Variants in PTP4A3 observed in about 807,000 individuals in gnomAD.
PTP4A3 encodes protein tyrosine phosphatase 4A3.
Under a neutral mutation model 15.2 loss-of-function variants are expected in PTP4A3, and 9 were observed. The observed-to-expected ratio is 0.59, with a 90% CI of 0.36 to 1.03. The LOEUF (loss-of-function observed/expected upper bound fraction) is 1.03, where lower values mean the gene tolerates loss of function less well. PTP4A3 is among the 50% of genes least tolerant of loss of function. The pLI is 0.02. For synonymous variants in PTP4A3, 95 were observed against 102.0 expected (o/e 0.93, Z 0.41); for missense variants, 234 against 252.1 (o/e 0.93, Z 0.49).
Position 141,421,967 on chromosome 8 carries a change from G to C in PTP4A3, c.-274G>C, listed in dbSNP as rs368947682. 7.0e-5 allele frequency: 30 copies of C among 431,438 alleles called. No homozygotes were observed. Among genetic ancestry groups the C allele is most frequent in the Admixed American group, 1.3e-4 (3 of 23,584 alleles). 26.7% of individuals were successfully genotyped at this position (431,438 alleles called of 1,614,324 possible). On this transcript the variant is annotated 5_prime_UTR_variant, in exon 2 of 6. Transcript: ENST00000521578. ...TGCCCGCTTTACTTTGGTTGGGTTG[G>C]GGGGGGCGGCGGGCTGTTTTGTTCC...
intron 1 of PTP4A3, among the ~76,000 whole-genome samples, chr8:141,419,079 C>T (rs946209293): frequency 3.9e-5 from 6 of 152,150 alleles, no homozygotes; most frequent in African/African-American, 1.2e-4. Flanking sequence ...GACCCCTGAG[C>T]GTAGCCCAGG....
chr8:141,418,869 G>A (rs996518509), intron 1 of PTP4A3, among the ~76,000 whole-genome samples: 4 of 152,288 alleles, frequency 2.6e-5, no homozygotes, highest in Middle Eastern at 3.4e-3. Context: ...CACTGGGGGC[G>A]TGTGGTTATG....
chr8:141,405,927 A>C (rs1586541775), intron 1 of PTP4A3, among the ~76,000 whole-genome samples: 1 of 152,128 alleles, frequency 6.6e-6, no homozygotes, highest in Non-Finnish European at 1.5e-5. Context: ...AGTTGCAGGA[A>C]CAGCTGGGAG....
At chr8:141,407,707 C>T (rs1239368823) in intron 1 of PTP4A3, among the ~76,000 whole-genome samples, 6 of 151,908 alleles carry the variant, frequency 3.9e-5, no homozygotes, top group African/African-American at 1.4e-4. Context: ...GATGGGATTA[C>T]AGGTGCCCGC....
Position 141,430,908 on chromosome 8 carries a change from C to A in PTP4A3, c.405-19C>A. Reference sequence around the variant, plus strand: ...GCCAGGTCCTTGGATGATCTCTGTTCCTGTTCCCCTCTTCCCAGGAAGCGC... The same window carrying A: ...GCCAGGTCCTTGGATGATCTCTGTTACTGTTCCCCTCTTCCCAGGAAGCGC... On this transcript the variant is annotated intron_variant, in intron 5 of 5. Coordinates refer to ENST00000521578, the MANE Select transcript of PTP4A3 (RefSeq NM_032611.3). The A allele has an allele frequency of 6.2e-7, 1 of 1,611,210 alleles. No individual in the cohort carries two copies. Among genetic ancestry groups the A allele is most frequent in the Non-Finnish European group, 8.5e-7 (1 of 1,178,370 alleles).
At chr8:141,429,165 C>T (rs1009017195) in intron 5 of PTP4A3, among the ~76,000 whole-genome samples, 22 of 152,386 alleles carry the variant, frequency 1.4e-4, no homozygotes, top group African/African-American at 5.0e-4. Context: ...TACCCGGAGG[C>T]GTGGCTGAGG....
intron 1 of PTP4A3, among the ~76,000 whole-genome samples, chr8:141,399,684 G>A (rs189761867): frequency 6.6e-6 from 1 of 152,382 alleles, no homozygotes; most frequent in Non-Finnish European, 1.5e-5. Flanking sequence ...GCTTGCTTCT[G>A]AGTCGGTGAC....
At position 141,431,366 on chromosome 8, in the gene PTP4A3, G is replaced by A; in HGVS notation, c.*322G>A. The A allele has an allele frequency of 2.6e-6, 1 of 388,122 alleles. No homozygotes were observed. The highest frequency in any genetic ancestry group is 4.6e-6 in the Non-Finnish European group (1 of 215,078). The allele number at this position is 388,122 out of a possible 1,614,324, so 24.0% of individuals were successfully genotyped here. A position where few individuals can be genotyped will look rare whatever the true frequency, so the allele number is the denominator to read the frequency against. On this transcript the variant is annotated 3_prime_UTR_variant, in exon 6 of 6. Coordinates refer to ENST00000521578, the MANE Select transcript of PTP4A3 (RefSeq NM_032611.3). ...CAGCCAGGCTGGTCTCCTCTAGCCT[G>A]TTTGTTGTGGGGTGGGGGTATATTT... is the stretch of plus-strand genomic sequence containing the variant.
chr8:141,416,913 A>G (rs1201725556), intron 1 of PTP4A3, among the ~76,000 whole-genome samples: 3 of 152,006 alleles, frequency 2.0e-5, no homozygotes, highest in Non-Finnish European at 4.4e-5. Flanking sequence ...TGCAGGGACC[A>G]GGTTGTTTGA....
intron 1 of PTP4A3, among the ~76,000 whole-genome samples, chr8:141,418,264 C>T (rs1833148169): frequency 1.3e-5 from 2 of 152,224 alleles, no homozygotes; most frequent in Non-Finnish European, 2.9e-5. Flanking sequence ...CCTCCAGCCT[C>T]CTCCCCCAAA....
At position 141,408,475 on chromosome 8, in the gene PTP4A3, C is replaced by T. The variant is rs563940947; in HGVS notation, c.-853-12913C>T. On this transcript the variant is annotated intron_variant, in intron 1 of 5. Transcript: ENST00000521578. ...CTCTACTAAAAATACAAAAATTAGC[C>T]GGTTGTGGTCATGGGCGCCCGTAAT... is the stretch of plus-strand genomic sequence containing the variant. 3.9e-4 allele frequency among the ~76,000 whole-genome samples: 59 copies of T among 152,072 alleles called. 2 individuals are homozygous for T. The highest frequency in any genetic ancestry group is 6.8e-3 in the Middle Eastern group (2 of 294).
chr8:141,401,156 A>G (rs566890175), intron 1 of PTP4A3, among the ~76,000 whole-genome samples: 2 of 152,232 alleles, frequency 1.3e-5, no homozygotes, highest in East Asian at 3.9e-4. Context: ...GGCAGCTGCC[A>G]TGGTCGTCCT....
intron 1 of PTP4A3, among the ~76,000 whole-genome samples, chr8:141,393,026 C>T (rs575324878): frequency 2.6e-5 from 4 of 152,292 alleles, no homozygotes; most frequent in African/African-American, 9.6e-5. Flanking sequence ...CCTGGGGGCC[C>T]TGCTCCCAGG....
At chr8:141,393,708 G>A (rs766182199) in intron 1 of PTP4A3, among the ~76,000 whole-genome samples, 1 of 152,244 alleles carries the variant, frequency 6.6e-6, no homozygotes, top group Non-Finnish European at 1.5e-5. Flanking sequence ...GTAAGGCTGG[G>A]GGCCTCAGCT....
intron 1 of PTP4A3, among the ~76,000 whole-genome samples, chr8:141,396,361 G>A (rs1435070695): frequency 6.6e-6 from 1 of 152,214 alleles, no homozygotes; most frequent in East Asian, 1.9e-4. Context: ...GAATTTGAAC[G>A]CTGGCCATGC....
chr8:141,408,583 A>T (rs1586544196), intron 1 of PTP4A3, among the ~76,000 whole-genome samples: 1 of 150,842 alleles, frequency 6.6e-6, no homozygotes, highest in African/African-American at 2.5e-5. Flanking sequence ...GTGCCACTGC[A>T]CTCCAGCCTG....
chr8:141,431,147 G>A lies in PTP4A3; in HGVS notation c.*103G>A. ...CTGCCCAGCCCAGCAGGGGCTCCAGGCCTTGGCTGGCCCCACATCGCCTTT... is the reference window on the plus strand; with the variant it reads ...CTGCCCAGCCCAGCAGGGGCTCCAGACCTTGGCTGGCCCCACATCGCCTTT... On this transcript the variant is annotated 3_prime_UTR_variant, in exon 6 of 6. Coordinates refer to ENST00000521578, the MANE Select transcript of PTP4A3 (RefSeq NM_032611.3). 9.2e-7 allele frequency: 1 copy of A among 1,087,170 alleles called. No individual in the cohort carries two copies. The highest frequency in any genetic ancestry group is 1.4e-6 in the Non-Finnish European group (1 of 729,008). 67.3% of individuals were successfully genotyped at this position (1,087,170 alleles called of 1,614,324 possible).
chr8:141,417,896 C>A (rs1396005381), intron 1 of PTP4A3, among the ~76,000 whole-genome samples: 2 of 151,938 alleles, frequency 1.3e-5, no homozygotes, highest in East Asian at 3.9e-4. Context: ...TAGCCGCAGG[C>A]GGCGGTGGCG....
intron 1 of PTP4A3, among the ~76,000 whole-genome samples, chr8:141,420,964 G>A (rs890983745): frequency 1.3e-5 from 2 of 152,224 alleles, no homozygotes. Flanking sequence ...GAGGGCAGCT[G>A]TCCTGGGGTG....
Sources: allele counts gnomAD v4.1 joint callset (sites outside exome capture counted in the v4.1 genomes callset), GRCh38; gene constraint gnomAD v4.1.1; transcripts MANE v1.5; gene names NCBI Gene and HGNC (gene_info 2026-07-23, HGNC 2026-07-21).